The following PRKD3 variants were observed in gnomAD, a reference collection of about 807,000 sequenced individuals.
The protein encoded by PRKD3 is protein kinase D3, also known as serine/threonine-protein kinase D3.
In PRKD3, 47 loss-of-function variants were observed where a neutral mutation model predicts 99.2. The observed-to-expected ratio is 0.47, with a 90% CI of 0.38 to 0.60. The LOEUF (loss-of-function observed/expected upper bound fraction) is 0.60. PRKD3 is among the 20% of genes least tolerant of loss of function. The probability of loss-of-function intolerance (pLI) is 0.00; values close to 1 mark genes in which losing one functional copy is unlikely to be tolerated. For missense variants in PRKD3, 1,019 were observed against 1,088.4 expected, an observed-to-expected ratio of 0.94 and a Z score of 0.90; for synonymous variants, 392 against 355.4, an observed-to-expected ratio of 1.10 and a Z score of -1.16.
chr2:37,283,600 T>A (rs561779355), intron 6 of PRKD3, among the ~76,000 whole-genome samples: 1 of 152,304 alleles, frequency 6.6e-6, no homozygotes, highest in Admixed American at 6.5e-5. Flanking sequence ...CATGTGATAT[T>A]AATATTATCT....
intron 2 of PRKD3, among the ~76,000 whole-genome samples, chr2:37,307,556 G>C (rs991980115): frequency 9.9e-5 from 15 of 152,142 alleles, no homozygotes; most frequent in African/African-American, 3.4e-4. Flanking sequence ...TGTATTTCCA[G>C]TATCATGTTT....
At chr2:37,276,215 C>CATGT (rs1558545041) in intron 9 of PRKD3, among the ~76,000 whole-genome samples, 1 of 152,044 alleles carries the variant, frequency 6.6e-6, no homozygotes, top group Non-Finnish European at 1.5e-5. Flanking sequence ...GGTCAACAGA[C>CATGT]ATGTGCACAT....
chr2:37,293,216 T>A lies in PRKD3; in HGVS notation c.344A>T (p.Asp115Val). The change falls in exon 3 of 19, where the codon GAC (aspartate) becomes GTC (valine). Residue 115 changes from aspartate (D) to valine (V), a missense_variant. Asp to Val is a radical substitution (Grantham distance 152, BLOSUM62 -3). Around this residue, in one of 3 missense-constraint regions of PRKD3, gnomAD observed 710 missense variants for 692.7 expected, o/e 1.02. Coordinates refer to ENST00000234179, the MANE Select transcript of PRKD3 (RefSeq NM_005813.6). ...CTGCAAAATGTTTTCTGAGTTCATG[T>A]CATGGCGAAAGAGAAGAATTTTGTC... ...MYDKILLFRHDMNSENILQLI... is the reference protein window; with the variant it reads ...MYDKILLFRHVMNSENILQLI... 2 of 1,604,652 alleles carry A rather than the reference T, an allele frequency of 1.2e-6. No homozygotes were observed. Among genetic ancestry groups the A allele is most frequent in the Non-Finnish European group, 1.7e-6 (2 of 1,172,824 alleles).
intron 6 of PRKD3, 94 bp downstream of exon 6, chr2:37,286,078 ATTTCT>A (rs1166645126): frequency 2.9e-6 from 3 of 1,049,696 alleles, no homozygotes; most frequent in Non-Finnish European, 4.0e-6. Flanking sequence ...TATGAGAATA[ATTTCT>A]TTGGCTAATG....
chr2:37,269,507 AAAAG>A lies in PRKD3; in HGVS notation c.1777+104_1777+107del, dbSNP rs542095982. 117 of 923,148 alleles carry A rather than the reference AAAAG, an allele frequency of 1.3e-4. 1 individual carries two copies. The East Asian group carries it at 2.7e-3, about 21-fold the overall frequency. The allele number at this position is 923,148 out of a possible 1,614,324, so 57.2% of individuals were successfully genotyped here. A position where few individuals can be genotyped will look rare whatever the true frequency, so the allele number is the denominator to read the frequency against. ...AAAGATAACAAGTCAGCCTTTAAAA[AAAAG>A]GCACTGGACAAAACTATGAGATGAC... On this transcript the variant is annotated intron_variant, in intron 13 of 18. Transcript: ENST00000234179.
rs1460548240 is a variant in PRKD3 at position 37,286,277 on chromosome 2, A to G, written c.810T>C (p.Val270=). ...AAGAGTGAACAGCAAATGTGTGTGGAACTTTCACTCTGCACATTACCATCT... is the reference window on the plus strand; with the variant it reads ...AAGAGTGAACAGCAAATGTGTGTGGGACTTTCACTCTGCACATTACCATCT... The part of the protein sequence containing the change: ...MEKMVMCRVK[V]PHTFAVHSYT... Residue 270 remains valine (V), a synonymous_variant, in exon 6 of 19, where the codon GTT becomes GTC. Coordinates refer to ENST00000234179, the MANE Select transcript of PRKD3 (RefSeq NM_005813.6). 1 of 1,614,094 alleles carries G rather than the reference A, an allele frequency of 6.2e-7. No homozygotes were observed. Among genetic ancestry groups the G allele is most frequent in the Non-Finnish European group, 8.5e-7 (1 of 1,179,950 alleles).
chr2:37,276,142 C>A lies in PRKD3; in HGVS notation c.1297-298G>T, dbSNP rs192446256. On this transcript the variant is annotated intron_variant, in intron 9 of 18. Coordinates refer to ENST00000234179, the MANE Select transcript of PRKD3 (RefSeq NM_005813.6). ...AATACATATATATATATGACACATA[C>A]ACACACACACATAAAAATATGTAAT... 2.1e-3 allele frequency among the ~76,000 whole-genome samples: 313 copies of A among 151,862 alleles called. 1 individual carries two copies. The highest frequency in any genetic ancestry group is 6.9e-3 in the African/African-American group (285 of 41,408).
chr2:37,260,160 G>C, intron 15 of PRKD3, 63 bp downstream of exon 15: 1 of 1,417,508 alleles, frequency 7.1e-7, no homozygotes. Context: ...TAAGACTCTT[G>C]TCTTAAAAAA....
intron 11 of PRKD3, among the ~76,000 whole-genome samples, chr2:37,272,854 G>A (rs910369364): frequency 6.6e-6 from 1 of 152,016 alleles, no homozygotes; most frequent in African/African-American, 2.4e-5. Flanking sequence ...ATAGTGGTGT[G>A]CACCGGTAGT....
At chr2:37,295,930 G>C (rs1332197523) in intron 2 of PRKD3, among the ~76,000 whole-genome samples, 1 of 152,144 alleles carries the variant, frequency 6.6e-6, no homozygotes, top group Non-Finnish European at 1.5e-5. Context: ...AGTCAGAAAA[G>C]TATCAGAGTC....
chr2:37,275,461 G>A (rs1297553780), intron 10 of PRKD3, among the ~76,000 whole-genome samples: 1 of 152,182 alleles, frequency 6.6e-6, no homozygotes, highest in African/African-American at 2.4e-5. Flanking sequence ...GACAGTCAAT[G>A]ATGATGGGAC....
At chr2:37,271,847 A>G (rs1669287955) in intron 12 of PRKD3, among the ~76,000 whole-genome samples, 1 of 152,218 alleles carries the variant, frequency 6.6e-6, no homozygotes, top group Non-Finnish European at 1.5e-5. Flanking sequence ...TAAGGTACTT[A>G]CTAAAAAGTT....
intron 14 of PRKD3, among the ~76,000 whole-genome samples, chr2:37,263,369 G>A (rs772756107): frequency 2.2e-4 from 33 of 152,018 alleles, no homozygotes; most frequent in Non-Finnish European, 3.8e-4. Context: ...CTGTTTATAC[G>A]ACTGCTTTTT....
At chr2:37,313,912 G>A (rs554741701) in intron 2 of PRKD3, among the ~76,000 whole-genome samples, 1 of 152,158 alleles carries the variant, frequency 6.6e-6, no homozygotes, top group African/African-American at 2.4e-5. Context: ...TGTAAGCCAA[G>A]GAACATCTGT....
At chr2:37,283,138 T>C (rs758471291) in intron 6 of PRKD3, among the ~76,000 whole-genome samples, 3 of 152,218 alleles carry the variant, frequency 2.0e-5, no homozygotes, top group East Asian at 1.9e-4. Context: ...TCAGAGTTGA[T>C]AGCATTGCAG....
At chr2:37,319,224 T>TA (rs980598950) in intron 1 of PRKD3, among the ~76,000 whole-genome samples, 3 of 152,142 alleles carry the variant, frequency 2.0e-5, no homozygotes, top group Non-Finnish European at 4.4e-5. Flanking sequence ...CTGACAAAAA[T>TA]AGTATCCAAG....
Position 37,253,116 on chromosome 2 carries a change from T to A in PRKD3, c.*61A>T. 6.7e-7 allele frequency: 1 copy of A among 1,482,610 alleles called. No homozygotes were observed. The allele number at this position is 1,482,610 out of a possible 1,614,324, so 91.8% of individuals were successfully genotyped here. On this transcript the variant is annotated 3_prime_UTR_variant, in exon 19 of 19. Transcript: ENST00000234179. ...CAGATGACAATCTACAAAGAACAAG[T>A]TACACAGCAAAATATCAGTCCATAA...
intron 14 of PRKD3, among the ~76,000 whole-genome samples, chr2:37,262,006 A>G (rs1668498511): frequency 6.6e-6 from 1 of 151,856 alleles, no homozygotes; most frequent in South Asian, 2.1e-4. Context: ...CTGTAGGCTA[A>G]TGTAAGCGAC....
chr2:37,270,929 T>C (rs1669212415), intron 12 of PRKD3, among the ~76,000 whole-genome samples: 1 of 152,186 alleles, frequency 6.6e-6, no homozygotes, highest in Non-Finnish European at 1.5e-5. Context: ...TATCCTCAGT[T>C]CCCATGGGAT....
Sources: allele counts gnomAD v4.1 joint callset (sites outside exome capture counted in the v4.1 genomes callset), GRCh38; gene constraint gnomAD v4.1.1; regional missense constraint gnomAD v4.1.1; transcripts MANE v1.5; gene names NCBI Gene and HGNC (gene_info 2026-07-23, HGNC 2026-07-21).